The following MAS1L variants were observed in gnomAD, a reference collection of about 807,000 sequenced individuals.
MAS1L encodes MAS1 proto-oncogene like, G protein-coupled receptor.
For missense variants in MAS1L, 441 were observed against 460.1 expected (o/e 0.96, Z 0.38); for synonymous variants, 160 against 182.9 (o/e 0.87, Z 1.01).
chr6:29,487,457 A>G lies in MAS1L; in HGVS notation c.446T>C (p.Leu149Pro). 1 of 1,612,210 alleles carries G rather than the reference A, an allele frequency of 6.2e-7. No homozygotes were observed. The highest frequency in any genetic ancestry group is 8.5e-7 in the Non-Finnish European group (1 of 1,179,022). Reference sequence around the variant, plus strand: ...AAAGGAGAAGGGAGACAATATGGCCAGGAAATCAGGGATAAAAAACACGAC... The same window carrying G: ...AAAGGAGAAGGGAGACAATATGGCCGGGAAATCAGGGATAAAAAACACGAC... ...HGVVFFIPDF[L>P]AILSPFSFEV... The change falls in exon 1 of 1, where the codon CTG becomes CCG. Residue 149 changes from leucine (L) to proline (P), a missense_variant. Physicochemically the swap from Leu to Pro is moderately conservative, Grantham distance 98. Transcript: ENST00000377127.
In MAS1L at chr6:29,486,954, C is replaced by T. The variant is rs756964315; in HGVS notation, c.949G>A (p.Val317Met). 4.0e-5 allele frequency: 64 copies of T among 1,613,914 alleles called. No homozygotes were observed. The highest frequency in any genetic ancestry group is 5.0e-5 in the Admixed American group (3 of 59,994). Reference sequence around the variant, plus strand: ...AGCCTTTTCTTTCTGAGGCTCCCCACAAAGAAATAAATGATAGGGTTGGCG... The same window carrying T: ...AGCCTTTTCTTTCTGAGGCTCCCCATAAAGAAATAAATGATAGGGTTGGCG... Reference protein sequence around the residue: ...SSANPIIYFFVGSLRKKRLKE... With the variant: ...SSANPIIYFFMGSLRKKRLKE... The change falls in exon 1 of 1, where the codon GTG becomes ATG. Residue 317 changes from valine to methionine, a missense_variant. Transcript: ENST00000377127.
At position 29,487,569 on chromosome 6, in the gene MAS1L, T is replaced by C. The variant is rs1189975227; in HGVS notation, c.334A>G (p.Ile112Val). Residue 112 changes from isoleucine to valine, a missense_variant, in exon 1 of 1, where the codon ATC (isoleucine) becomes GTC (valine). Transcript: ENST00000377127. ...ACGTCAGCAGCGACCAGGTGGAGGA[T>C]GTATACCATGTAGGGATTCGTGGCC... is the stretch of plus-strand genomic sequence containing the variant. ...CGATNPYMVY[I>V]LHLVAADVIY... 1.2e-6 allele frequency: 2 copies of C among 1,614,102 alleles called. No individual in the cohort carries two copies. Among genetic ancestry groups the C allele is most frequent in the East Asian group, 2.2e-5 (1 of 44,872 alleles).
chr6:29,487,319 G>A lies in MAS1L; in HGVS notation c.584C>T (p.Thr195Ile). The change falls in exon 1 of 1, where the codon ACC (threonine) becomes ATC (isoleucine). Residue 195 changes from threonine to isoleucine, a missense_variant. Thr to Ile is a moderately conservative substitution (Grantham distance 89). Transcript: ENST00000377127. ...GCAAAAAGGCAGGCCCCAGATGAGG[G>A]TGCAGACAACATTAGATGTGTATTT... ...RPKYTSNVVC[T>I]LIWGLPFCIN... is the part of the protein sequence containing the mutation. 1 of 1,614,112 alleles carries A rather than the reference G, an allele frequency of 6.2e-7. No homozygotes were observed. Among genetic ancestry groups the A allele is most frequent in the Non-Finnish European group, 8.5e-7 (1 of 1,180,046 alleles).
Position 29,487,668 on chromosome 6 carries a change from C to T in MAS1L, c.235G>A (p.Ala79Thr). The change falls in exon 1 of 1, where the codon GCC (alanine) becomes ACC (threonine). Residue 79 changes from alanine (A) to threonine (T), a missense_variant. Physicochemically the swap from Ala to Thr is moderately conservative, Grantham distance 58. Transcript: ENST00000377127. Reference protein sequence around the residue: ...GQQALPLNIIAPKAVLVSLCG... With the variant: ...GQQALPLNIITPKAVLVSLCG... Reference sequence around the variant, plus strand: ...AGGGAGACCAGCACAGCCTTGGGGGCAATGATATTCAAGGGCAGGGCCTGC... The same window carrying T: ...AGGGAGACCAGCACAGCCTTGGGGGTAATGATATTCAAGGGCAGGGCCTGC... 6.2e-7 allele frequency: 1 copy of T among 1,614,200 alleles called. No individual in the cohort carries two copies. Among genetic ancestry groups the T allele is most frequent in the Non-Finnish European group, 8.5e-7 (1 of 1,180,028 alleles).
chr6:29,486,840 T>C lies in MAS1L; in HGVS notation c.1063A>G (p.Met355Val), dbSNP rs1421135840. The C allele has an allele frequency of 1.4e-5, 23 of 1,614,022 alleles. No homozygotes were observed. The highest frequency in any genetic ancestry group is 2.2e-5 in the East Asian group (1 of 44,892). ...RNKKAAGIDP[M>V]EQPHSTQHVE... Reference sequence around the variant, plus strand: ...TGCTGAGTAGAGTGTGGTTGCTCCATTGGGTCGATGCCAGCTGCCTTTTTG... The same window carrying C: ...TGCTGAGTAGAGTGTGGTTGCTCCACTGGGTCGATGCCAGCTGCCTTTTTG... Residue 355 changes from methionine (M) to valine (V), a missense_variant, in exon 1 of 1, where the codon ATG becomes GTG. Met to Val is a conservative substitution (Grantham distance 21). Transcript: ENST00000377127.
Position 29,486,989 on chromosome 6 carries a change from A to G in MAS1L, c.914T>C (p.Ile305Thr). 1 of 1,614,138 alleles carries G rather than the reference A, an allele frequency of 6.2e-7. No homozygotes were observed. Among genetic ancestry groups the G allele is most frequent in the Non-Finnish European group, 8.5e-7 (1 of 1,180,020 alleles). Residue 305 changes from isoleucine to threonine, a missense_variant, in exon 1 of 1, where the codon ATA becomes ACA. Coordinates refer to ENST00000377127, the MANE Select transcript of MAS1L (RefSeq NM_052967.2). ...AATGATAGGGTTGGCGCTGCTGTTT[A>G]TAATGAGGAACAAGGAAATTAAATA... is the stretch of plus-strand genomic sequence containing the variant. ...TSYLISLFLIINSSANPIIYF... is the reference protein window; with the variant it reads ...TSYLISLFLITNSSANPIIYF...
rs1789395715 is a variant in MAS1L at position 29,487,598 on chromosome 6, C to A, written c.305G>T (p.Cys102Phe). The A allele has an allele frequency of 6.2e-7, 1 of 1,614,108 alleles. No individual in the cohort carries two copies. Among genetic ancestry groups the A allele is most frequent in the Admixed American group, 1.7e-5 (1 of 60,010 alleles). Residue 102 changes from cysteine to phenylalanine, a missense_variant, in exon 1 of 1, where the codon TGT becomes TTT. Physicochemically the swap from Cys to Phe is radical, Grantham distance 205. Transcript: ENST00000377127. ...LNGTVFWLLC[C>F]GATNPYMVYI... ...TACCATGTAGGGATTCGTGGCCCCA[C>A]AGCAAAGCAGCCAGAAGACAGTGCC...
rs1317083792 is a variant in MAS1L at position 29,487,108 on chromosome 6, C to T, written c.795G>A (p.Val265=). 1.2e-6 allele frequency: 2 copies of T among 1,614,074 alleles called. No individual in the cohort carries two copies. Among genetic ancestry groups the T allele is most frequent in the South Asian group, 1.1e-5 (1 of 91,090 alleles). ...GGAACATGGGGGCCGAGATCTGCACCACCGCATAGACCCTGGTGGCCTTTT... is the reference window on the plus strand; with the variant it reads ...GGAACATGGGGGCCGAGATCTGCACTACCGCATAGACCCTGGTGGCCTTTT... ...QQQKATRVYA[V]VQISAPMFLL... Residue 265 remains valine, a synonymous_variant, in exon 1 of 1, where the codon GTG becomes GTA. Transcript: ENST00000377127.
At chr6:29,487,743 TTTGAAGAAAGA>T in the MAS1L span, 3 of 1,614,106 alleles carry the variant, frequency 1.9e-6, no homozygotes, top group South Asian at 3.3e-5. Flanking sequence ...TTCGTCTCAT[TTTGAAGAAAGA>T]CGCCACAGAG....
In MAS1L at chr6:29,486,957, A is replaced by G. The variant is rs1238756385; in HGVS notation, c.946T>C (p.Phe316Leu). ...CTTTTCTTTCTGAGGCTCCCCACAA[A>G]GAAATAAATGATAGGGTTGGCGCTG... ...NSSANPIIYF[F>L]VGSLRKKRLK... The change falls in exon 1 of 1, where the codon TTT becomes CTT. Residue 316 changes from phenylalanine (F) to leucine (L), a missense_variant. Transcript: ENST00000377127. 5.6e-6 allele frequency: 9 copies of G among 1,614,074 alleles called. No homozygotes were observed. Among genetic ancestry groups the G allele is most frequent in the Non-Finnish European group, 7.6e-6 (9 of 1,180,044 alleles).
chr6:29,487,334 G>C lies in MAS1L; in HGVS notation c.569C>G (p.Ser190Cys), dbSNP rs775337929. The change falls in exon 1 of 1, where the codon TCT (serine) becomes TGT (cysteine). Residue 190 changes from serine (S) to cysteine (C), a missense_variant. Transcript: ENST00000377127. ...CCAGATGAGGGTGCAGACAACATTAGATGTGTATTTTGGGCGGTGGCATCT... is the reference window on the plus strand; with the variant it reads ...CCAGATGAGGGTGCAGACAACATTACATGTGTATTTTGGGCGGTGGCATCT... ...WYRCHRPKYT[S>C]NVVCTLIWGL... 6.2e-7 allele frequency: 1 copy of C among 1,614,092 alleles called. No individual in the cohort carries two copies. Among genetic ancestry groups the C allele is most frequent in the South Asian group, 1.1e-5 (1 of 91,088 alleles).
rs17184100 is a variant in MAS1L at position 29,487,039 on chromosome 6, A to C, written c.864T>G (p.Asp288Glu). The part of the protein sequence containing the change: ...LPLSVAPLIT[D>E]FKMFVTTSYL... Reference sequence around the variant, plus strand: ...AGGAGGTGGTGACAAACATTTTGAAATCTGTTATGAGGGGTGCCACGCTCA... The same window carrying C: ...AGGAGGTGGTGACAAACATTTTGAACTCTGTTATGAGGGGTGCCACGCTCA... Residue 288 changes from aspartate to glutamate, a missense_variant, in exon 1 of 1, where the codon GAT becomes GAG. By Grantham distance (45) the Asp-to-Glu change is conservative. Transcript: ENST00000377127. 6.2e-7 allele frequency: 1 copy of C among 1,614,030 alleles called. No homozygotes were observed. Among genetic ancestry groups the C allele is most frequent in the Non-Finnish European group, 8.5e-7 (1 of 1,180,012 alleles).
chr6:29,486,932 C>G lies in MAS1L; in HGVS notation c.971G>C (p.Arg324Thr). 1.2e-6 allele frequency: 2 copies of G among 1,614,160 alleles called. No individual in the cohort carries two copies. Among genetic ancestry groups the G allele is most frequent in the Non-Finnish European group, 1.7e-6 (2 of 1,180,026 alleles). Residue 324 changes from arginine (R) to threonine (T), a missense_variant, in exon 1 of 1, where the codon AGG (arginine) becomes ACG (threonine). Arg to Thr is a moderately conservative substitution (Grantham distance 71). Transcript: ENST00000377127. ...AATCACTCTGAGAGATTCCTTCAGC[C>G]TTTTCTTTCTGAGGCTCCCCACAAA... The part of the protein sequence containing the change: ...YFFVGSLRKK[R>T]LKESLRVILQ...
rs370132559 is a variant in MAS1L, at chr6:29,487,820, C to T, written c.83G>A (p.Ser28Asn). The stretch of plus-strand genomic sequence containing the variant: ...CTGGTCACCACTGTGGAGACAAAGG[C>T]TACATGAGAGAGATATCTGTGACTC... ...FAESQISLSC[S>N]LCLHSGDQEA... The change falls in exon 1 of 1, where the codon AGC becomes AAC. Residue 28 changes from serine (S) to asparagine (N), a missense_variant. Coordinates refer to ENST00000377127, the MANE Select transcript of MAS1L (RefSeq NM_052967.2). The T allele has an allele frequency of 6.2e-7, 1 of 1,614,064 alleles. No individual in the cohort carries two copies. The highest frequency in any genetic ancestry group is 8.5e-7 in the Non-Finnish European group (1 of 1,180,042).
Position 29,487,468 on chromosome 6 carries a change from G to C in MAS1L, c.435C>G (p.Ile145Met). 6.7e-7 allele frequency: 1 copy of C among 1,500,740 alleles called. No individual in the cohort carries two copies. Among genetic ancestry groups the C allele is most frequent in the Non-Finnish European group, 9.0e-7 (1 of 1,107,910 alleles). The allele number at this position is 1,500,740 out of a possible 1,614,324, so 93.0% of individuals were successfully genotyped here. Residue 145 changes from isoleucine to methionine, a missense_variant, in exon 1 of 1, where the codon ATC (isoleucine) becomes ATG (methionine). By Grantham distance (10) the Ile-to-Met change is conservative (BLOSUM62 1). Coordinates refer to ENST00000377127, the MANE Select transcript of MAS1L (RefSeq NM_052967.2). ...GAGACAATATGGCCAGGAAATCAGG[G>C]ATAAAAAACACGACTCCATGATAAG... Reference protein sequence around the residue: ...LLTYHGVVFFIPDFLAILSPF... With the variant: ...LLTYHGVVFFMPDFLAILSPF...
chr6:29,487,893 C>T lies in MAS1L; in HGVS notation c.10G>A (p.Gly4Arg). The T allele has an allele frequency of 6.2e-7, 1 of 1,608,116 alleles. No homozygotes were observed. The highest frequency in any genetic ancestry group is 8.5e-7 in the Non-Finnish European group (1 of 1,177,898). MVWGKICWFSQRAG... is the reference protein window; with the variant it reads MVWRKICWFSQRAG... ...CTCTGGCTGAACCAGCAAATTTTCC[C>T]CCAGACCATGGGGTGCTGGGACCTG... Residue 4 changes from glycine to arginine, a missense_variant, in exon 1 of 1, where the codon GGG becomes AGG. Physicochemically the swap from Gly to Arg is moderately radical, Grantham distance 125 (BLOSUM62 -2). Coordinates refer to ENST00000377127, the MANE Select transcript of MAS1L (RefSeq NM_052967.2).
Position 29,486,931 on chromosome 6 carries a change from C to A in MAS1L, c.972G>T (p.Arg324Ser). Residue 324 changes from arginine (R) to serine (S), a missense_variant, in exon 1 of 1, where the codon AGG becomes AGT. Arg to Ser is a moderately radical substitution (Grantham distance 110). Coordinates refer to ENST00000377127, the MANE Select transcript of MAS1L (RefSeq NM_052967.2). ...YFFVGSLRKK[R>S]LKESLRVILQ... ...GAATCACTCTGAGAGATTCCTTCAGCCTTTTCTTTCTGAGGCTCCCCACAA... is the reference window on the plus strand; with the variant it reads ...GAATCACTCTGAGAGATTCCTTCAGACTTTTCTTTCTGAGGCTCCCCACAA... 6.2e-7 allele frequency: 1 copy of A among 1,614,082 alleles called. No individual in the cohort carries two copies. Among genetic ancestry groups the A allele is most frequent in the Non-Finnish European group, 8.5e-7 (1 of 1,180,026 alleles).
In MAS1L at chr6:29,487,826, G is replaced by A. The variant is rs1789420747; in HGVS notation, c.77C>T (p.Ser26Leu). 6.2e-7 allele frequency: 1 copy of A among 1,614,018 alleles called. No homozygotes were observed. The highest frequency in any genetic ancestry group is 8.5e-7 in the Non-Finnish European group (1 of 1,180,052). The change falls in exon 1 of 1, where the codon TCA becomes TTA. Residue 26 changes from serine (S) to leucine (L), a missense_variant. Ser to Leu is a moderately radical substitution (Grantham distance 145, BLOSUM62 -2). Coordinates refer to ENST00000377127, the MANE Select transcript of MAS1L (RefSeq NM_052967.2). ...TVFAESQISL[S>L]CSLCLHSGDQ... ...ACCACTGTGGAGACAAAGGCTACAT[G>A]AGAGAGATATCTGTGACTCAGCAAA...
Position 29,487,429 on chromosome 6 carries a change from C to A in MAS1L, c.474G>T (p.Glu158Asp), listed in dbSNP as rs1561900538. The change falls in exon 1 of 1, where the codon GAG becomes GAT. Residue 158 changes from glutamate to aspartate, a missense_variant. Coordinates refer to ENST00000377127, the MANE Select transcript of MAS1L (RefSeq NM_052967.2). The stretch of plus-strand genomic sequence containing the variant: ...TGGCCACCAGGAGACAGAGACACAC[C>A]TCAAAGGAGAAGGGAGACAATATGG... ...FLAILSPFSF[E>D]VCLCLLVAIS... 5 of 1,613,824 alleles carry A rather than the reference C, an allele frequency of 3.1e-6. No individual in the cohort carries two copies. The African/African-American group carries it at 6.7e-5, about 22-fold the overall frequency.
Sources: allele counts gnomAD v4.1 joint callset, GRCh38; gene constraint gnomAD v4.1.1; transcripts MANE v1.5; gene names NCBI Gene and HGNC (gene_info 2026-07-23, HGNC 2026-07-21).